KIAA0319L: variants seen among roughly 807,000 people sequenced by gnomAD.
The protein encoded by KIAA0319L is KIAA0319 like.
In KIAA0319L, 55 loss-of-function variants were observed where a neutral mutation model predicts 120.1. That is an observed-to-expected ratio of 0.46 (90% CI 0.37 to 0.57). The LOEUF (loss-of-function observed/expected upper bound fraction) is 0.57. KIAA0319L is among the 20% of genes least tolerant of loss of function. The pLI, the probability that KIAA0319L is intolerant of heterozygous loss-of-function variation, is 0.00. For synonymous variants in KIAA0319L, 398 were observed against 471.9 expected (o/e 0.84, Z 2.03); for missense variants, 1,049 against 1,255.3 (o/e 0.84, Z 2.48).
intron 16 of KIAA0319L, among the ~76,000 whole-genome samples, chr1:35,445,754 T>C (rs1285298004): frequency 6.6e-6 from 1 of 152,228 alleles, no homozygotes; most frequent in African/African-American, 2.4e-5. Flanking sequence ...TGTTCTTTCC[T>C]ACTGTAAAAT....
chr1:35,448,923 C>T (rs1052921485), intron 15 of KIAA0319L, among the ~76,000 whole-genome samples: 11 of 152,204 alleles, frequency 7.2e-5, no homozygotes, highest in African/African-American at 2.7e-4. Flanking sequence ...AACTCTAAAA[C>T]GGTGAGGCTA....
chr1:35,435,456 G>C (rs956164837), intron 20 of KIAA0319L: 2 of 183,390 alleles, frequency 1.1e-5, no homozygotes, highest in African/African-American at 4.8e-5. Context: ...AAAGCACAAA[G>C]AACTCAGGCT....
Position 35,454,325 on chromosome 1 carries a change from C to T in KIAA0319L, c.1780+37G>A, listed in dbSNP as rs1412966601. On this transcript the variant is annotated intron_variant, in intron 11 of 20. Transcript: ENST00000325722. ...TTTCCCCCAAGGTTAAATGGACCCACCAATAGAAGAGCCTGAACCACAAGG... is the reference window on the plus strand; with the variant it reads ...TTTCCCCCAAGGTTAAATGGACCCATCAATAGAAGAGCCTGAACCACAAGG... The T allele has an allele frequency of 1.9e-6, 3 of 1,610,752 alleles. No homozygotes were observed. The African/African-American group carries it at 4.0e-5, about 21-fold the overall frequency.
At chr1:35,549,050 C>CT (rs869246893) in intron 2 of KIAA0319L, among the ~76,000 whole-genome samples, 1,724 of 142,020 alleles carry the variant, frequency 0.012, 35 homozygotes, top group African/African-American at 0.039. Flanking sequence ...TGCGTTGCAT[C>CT]TTTTTTTTTT....
intron 3 of KIAA0319L, among the ~76,000 whole-genome samples, chr1:35,496,946 CCAAAAAAAAAAAAA>C (rs1014393783): frequency 1.6e-5 from 1 of 64,394 alleles, no homozygotes; most frequent in African/African-American, 1.2e-4. Context: ...GATTGTGTCT[CCAAAAAAAAAAAAA>C]AAAAAAAAAA....
intron 2 of KIAA0319L, among the ~76,000 whole-genome samples, chr1:35,514,497 C>G (rs1336467013): frequency 6.6e-6 from 1 of 151,946 alleles, no homozygotes; most frequent in African/African-American, 2.4e-5. Flanking sequence ...ATGAGCGACA[C>G]ATAATGACAC....
chr1:35,521,972 TAAAAATA>T (rs1026009270), intron 2 of KIAA0319L, among the ~76,000 whole-genome samples: 16 of 151,690 alleles, frequency 1.1e-4, no homozygotes, highest in Admixed American at 2.6e-4. Flanking sequence ...GACTCTGTCT[TAAAAATA>T]AAAAATAAAA....
intron 3 of KIAA0319L, among the ~76,000 whole-genome samples, chr1:35,492,163 C>T (rs924474892): frequency 3.9e-5 from 6 of 152,126 alleles, no homozygotes; most frequent in African/African-American, 1.4e-4. Flanking sequence ...AGCCAATAAA[C>T]AGATGTAAAA....
rs929083480 is a variant in KIAA0319L, at chr1:35,460,357, C to T, written c.1375G>A (p.Asp459Asn). 2.5e-6 allele frequency: 4 copies of T among 1,612,576 alleles called. No individual in the cohort carries two copies. Among genetic ancestry groups the T allele is most frequent in the East Asian group, 2.2e-5 (1 of 44,848 alleles). Residue 459 changes from aspartate (D) to asparagine (N), a missense_variant, in exon 9 of 21, where the codon GAT (aspartate) becomes AAT (asparagine). Coordinates refer to ENST00000325722, the MANE Select transcript of KIAA0319L (RefSeq NM_024874.5). The part of the protein sequence containing the change: ...GPLREEKISE[D>N]TAILKLSKLV... ...TTACTTAGTTTTAATATGGCTGTAT[C>T]TTCAGAAATCTTCTCTTCTCTTAGA... is the stretch of plus-strand genomic sequence containing the variant.
chr1:35,553,520 A>G (rs547053139), intron 2 of KIAA0319L, among the ~76,000 whole-genome samples: 1 of 152,336 alleles, frequency 6.6e-6, no homozygotes, highest in African/African-American at 2.4e-5. Context: ...ATGACCACCA[A>G]TTCCTTTAGG....
At chr1:35,537,446 C>T (rs1305173561) in intron 2 of KIAA0319L, among the ~76,000 whole-genome samples, 1 of 145,902 alleles carries the variant, frequency 6.9e-6, no homozygotes, top group Admixed American at 7.0e-5. Flanking sequence ...ATTTAGAGGG[C>T]CGCAGCAGAA....
chr1:35,507,354 T>G (rs1179741093), intron 2 of KIAA0319L, among the ~76,000 whole-genome samples: 2 of 152,178 alleles, frequency 1.3e-5, no homozygotes, highest in Admixed American at 1.3e-4. Context: ...CATTAATTGT[T>G]CTCCTTCTCA....
At chr1:35,538,526 G>A (rs1028465901) in intron 2 of KIAA0319L, among the ~76,000 whole-genome samples, 1 of 140,654 alleles carries the variant, frequency 7.1e-6, no homozygotes, top group Admixed American at 7.7e-5. Context: ...GGGAGGTGGA[G>A]ACTGCAGTGA....
chr1:35,552,837 C>T (rs781464976), intron 2 of KIAA0319L, among the ~76,000 whole-genome samples: 1 of 151,860 alleles, frequency 6.6e-6, no homozygotes, highest in Non-Finnish European at 1.5e-5. Flanking sequence ...TTTGGGAGGC[C>T]GAGGCATGCA....
At chr1:35,466,761 A>C in intron 6 of KIAA0319L, 66 bp from the exon 7 acceptor site, 2 of 1,124,820 alleles carry the variant, frequency 1.8e-6, no homozygotes, top group Non-Finnish European at 2.7e-6. Flanking sequence ...AAAATAAGAT[A>C]TATCTGAACT....
chr1:35,555,174 C>T (rs1647783026), intron 1 of KIAA0319L, among the ~76,000 whole-genome samples: 4 of 152,258 alleles, frequency 2.6e-5, no homozygotes, highest in Admixed American at 2.0e-4. Flanking sequence ...TCTCTTCCAG[C>T]AGAAAAACTC....
At chr1:35,523,147 C>T (rs1645994555) in intron 2 of KIAA0319L, among the ~76,000 whole-genome samples, 1 of 151,836 alleles carries the variant, frequency 6.6e-6, no homozygotes. Context: ...TGAAATGGAC[C>T]ATTCTTCCTC....
chr1:35,495,863 C>CAAAAA lies in KIAA0319L; in HGVS notation c.666+10744_666+10748dup, dbSNP rs200064916. ...AATGGGGAAAAATATTAACACTCTA[C>CAAAAA]AAAAAAAAAAAAAAAAACATGAATG... On this transcript the variant is annotated intron_variant, in intron 3 of 20. Coordinates refer to ENST00000325722, the MANE Select transcript of KIAA0319L (RefSeq NM_024874.5). Among the ~76,000 whole-genome samples, 521 of 68,084 alleles carry CAAAAA rather than the reference C, an allele frequency of 7.7e-3. 10 individuals carry two copies. Among genetic ancestry groups the CAAAAA allele is most frequent in the African/African-American group, 0.022 (499 of 23,064 alleles). 44.7% of individuals were successfully genotyped at this position (68,084 alleles called of 152,430 possible).
chr1:35,553,968 T>C (rs1647553769), intron 2 of KIAA0319L, among the ~76,000 whole-genome samples: 1 of 152,224 alleles, frequency 6.6e-6, no homozygotes, highest in Non-Finnish European at 1.5e-5. Context: ...TAAGCACCCA[T>C]GCTGAGTGCT....
Sources: allele counts gnomAD v4.1 joint callset (sites outside exome capture counted in the v4.1 genomes callset), GRCh38; gene constraint gnomAD v4.1.1; transcripts MANE v1.5; gene names NCBI Gene and HGNC (gene_info 2026-07-23, HGNC 2026-07-21).